The following PHACTR3 variants were observed in gnomAD, a reference collection of about 807,000 sequenced individuals.
PHACTR3 encodes the protein phosphatase and actin regulator 3.
In PHACTR3, 16 loss-of-function variants were observed where a neutral mutation model predicts 66.8. That is an observed-to-expected ratio of 0.24 (90% CI 0.16 to 0.36). The LOEUF (loss-of-function observed/expected upper bound fraction) is 0.36, where lower values mean the gene tolerates loss of function less well. Among genes scored for constraint, PHACTR3 ranks in the 10% least tolerant of loss-of-function variants. The pLI is 1.00. For synonymous variants in PHACTR3, 323 were observed against 292.1 expected (o/e 1.11, Z -1.08); for missense variants, 647 against 719.9 (o/e 0.90, Z 1.16).
At chr20:59,593,108 C>G (rs761949891) in intron 1 of PHACTR3, among the ~76,000 whole-genome samples, 2 of 152,218 alleles carry the variant, frequency 1.3e-5, no homozygotes, top group Non-Finnish European at 2.9e-5. Flanking sequence ...ATTTTGCATT[C>G]TCAGCAGCAG....
intron 9 of PHACTR3, among the ~76,000 whole-genome samples, 182 bp downstream of exon 9, chr20:59,836,742 A>T (rs1336479242): frequency 6.6e-6 from 1 of 151,764 alleles, no homozygotes; most frequent in African/African-American, 2.4e-5. Context: ...ACCTAGAAAC[A>T]TTTTTTTTAA....
chr20:59,789,381 G>C (rs905046364), intron 7 of PHACTR3, among the ~76,000 whole-genome samples: 1 of 152,226 alleles, frequency 6.6e-6, no homozygotes, highest in African/African-American at 2.4e-5. Context: ...AGACTTAGCA[G>C]AGATTGCCTG....
chr20:59,836,357 G>A lies in PHACTR3; in HGVS notation c.1329-148G>A, dbSNP rs114569791. ...TCTGACTTGATTTTGCCAGCAAGAG[G>A]CAACAACCAAAGGTTCACTTTCTCT... On this transcript the variant is annotated intron_variant, in intron 8 of 12. Transcript: ENST00000371015. The A allele has an allele frequency of 1.6e-3, 996 of 632,108 alleles. 10 individuals carry two copies. The African/African-American group carries it at 0.017, about 11-fold the overall frequency. 39.2% of individuals were successfully genotyped at this position (632,108 alleles called of 1,614,324 possible). A position where few individuals can be genotyped will look rare whatever the true frequency, so the allele number is the denominator to read the frequency against.
rs181446063 is a variant in PHACTR3 at position 59,653,803 on chromosome 20, A to G, written c.118+48671A>G. 3.8e-3 allele frequency among the ~76,000 whole-genome samples: 584 copies of G among 152,306 alleles called. 3 individuals carry two copies. Among genetic ancestry groups the G allele is most frequent in the Non-Finnish European group, 6.3e-3 (429 of 68,032 alleles). On this transcript the variant is annotated intron_variant, in intron 1 of 12. Transcript: ENST00000371015. ...TAAATTAGAAATATTAATATTCATG[A>G]TATTCTTTGCTCTTAAAATATCTAT...
intron 1 of PHACTR3, among the ~76,000 whole-genome samples, chr20:59,623,971 G>C (rs1309401192): frequency 6.6e-6 from 1 of 151,964 alleles, no homozygotes; most frequent in Non-Finnish European, 1.5e-5. Context: ...GTGTAGAGAA[G>C]GTGTCCTGTT....
chr20:59,636,091 G>A (rs58067281), intron 1 of PHACTR3, among the ~76,000 whole-genome samples: 2,000 of 152,230 alleles, frequency 0.013, 55 homozygotes, highest in African/African-American at 0.045. Context: ...ATCTGCTGGC[G>A]AAAAATTGCT....
Position 59,806,072 on chromosome 20 carries a change from C to G in PHACTR3, c.1206C>G (p.Leu402=). The change falls in exon 8 of 13, where the codon CTC becomes CTG. Residue 402 remains leucine (L), a synonymous_variant. Coordinates refer to ENST00000371015, the MANE Select transcript of PHACTR3 (RefSeq NM_080672.5). ...GTLPRKCKKE[L]LAVKLRNRPS... ...TGCCACGGAAATGCAAGAAGGAGCT[C>G]CTGGCCGTGAAGCTAAGGAACCGGC... 1 of 1,614,194 alleles carries G rather than the reference C, an allele frequency of 6.2e-7. No homozygotes were observed. Among genetic ancestry groups the G allele is most frequent in the African/African-American group, 1.3e-5 (1 of 75,068 alleles).
At chr20:59,832,320 G>C (rs1359141501) in intron 8 of PHACTR3, among the ~76,000 whole-genome samples, 1 of 152,232 alleles carries the variant, frequency 6.6e-6, no homozygotes, top group Non-Finnish European at 1.5e-5. Context: ...TGCATGAAGA[G>C]TTAGCATAGC....
chr20:59,826,500 C>T (rs1229169949), intron 8 of PHACTR3, among the ~76,000 whole-genome samples: 1 of 152,160 alleles, frequency 6.6e-6, no homozygotes, highest in African/African-American at 2.4e-5. Flanking sequence ...CCCAGCCTTA[C>T]ACCTGGCATT....
At chr20:59,619,591 G>A (rs928865993) in intron 1 of PHACTR3, among the ~76,000 whole-genome samples, 2 of 152,080 alleles carry the variant, frequency 1.3e-5, no homozygotes, top group Non-Finnish European at 2.9e-5. Flanking sequence ...CTGACACACC[G>A]ATTTCAGCCT....
chr20:59,827,111 C>G (rs1308791885), intron 8 of PHACTR3, among the ~76,000 whole-genome samples: 1 of 152,116 alleles, frequency 6.6e-6, no homozygotes, highest in Non-Finnish European at 1.5e-5. Context: ...ATGTTGCTGT[C>G]TTTAGCACCT....
chr20:59,832,651 G>A (rs1007745133), intron 8 of PHACTR3, among the ~76,000 whole-genome samples: 1 of 152,164 alleles, frequency 6.6e-6, no homozygotes, highest in Non-Finnish European at 1.5e-5. Context: ...AAATCCTTCA[G>A]TGCCGCTCTG....
chr20:59,719,543 G>T (rs1047741721), intron 1 of PHACTR3, among the ~76,000 whole-genome samples: 6 of 152,124 alleles, frequency 3.9e-5, no homozygotes, highest in Non-Finnish European at 2.9e-5. Context: ...AACCTGAAGG[G>T]TTGTTGTGCT....
chr20:59,645,823 A>G (rs1568956938), intron 1 of PHACTR3, among the ~76,000 whole-genome samples: 1 of 152,158 alleles, frequency 6.6e-6, no homozygotes. Flanking sequence ...CATCTAGCTC[A>G]GTGCCTGGCA....
intron 1 of PHACTR3, among the ~76,000 whole-genome samples, chr20:59,585,850 A>G (rs999001656): frequency 1.3e-5 from 2 of 152,232 alleles, no homozygotes; most frequent in Admixed American, 6.5e-5. Flanking sequence ...TTTAGCAAAA[A>G]GAATCTCCTA....
chr20:59,774,631 C>T, intron 7 of PHACTR3, 141 bp downstream of exon 7: 1 of 1,197,272 alleles, frequency 8.4e-7, no homozygotes, highest in Non-Finnish European at 1.1e-6. Flanking sequence ...GGGGCTGTGT[C>T]CTCTGGAAAT....
chr20:59,759,296 T>A (rs1057268885), intron 4 of PHACTR3, among the ~76,000 whole-genome samples: 1 of 152,154 alleles, frequency 6.6e-6, no homozygotes, highest in Admixed American at 6.5e-5. Flanking sequence ...ATGAGCAACA[T>A]CCCTATAAAC....
At chr20:59,587,801 C>T (rs980315475) in intron 1 of PHACTR3, among the ~76,000 whole-genome samples, 8 of 152,242 alleles carry the variant, frequency 5.3e-5, no homozygotes, top group Non-Finnish European at 1.2e-4. Context: ...TTTTGGTTCT[C>T]AGCTGTAGAG....
At chr20:59,707,790 C>T (rs988448105) in intron 1 of PHACTR3, among the ~76,000 whole-genome samples, 2 of 152,116 alleles carry the variant, frequency 1.3e-5, no homozygotes, top group Non-Finnish European at 2.9e-5. Context: ...TGCCATCGAA[C>T]GTGCCTGCTA....
Sources: gnomAD v4.1 joint callset for allele counts (sites outside exome capture counted in the v4.1 genomes callset) on GRCh38, gnomAD v4.1.1 for gene constraint, MANE v1.5 for transcripts, NCBI Gene and HGNC (gene_info 2026-07-23, HGNC 2026-07-21) for gene names.